BMPR1B: variants seen among roughly 807,000 people sequenced by gnomAD.
The protein encoded by BMPR1B is bone morphogenetic protein receptor type 1B, also known as bone morphogenetic protein receptor type-1B.
A neutral mutation model predicts 59.1 loss-of-function variants in BMPR1B; 12 were observed. The observed-to-expected ratio is 0.20, with a 90% CI of 0.13 to 0.33. The LOEUF (loss-of-function observed/expected upper bound fraction) is 0.33, where lower values mean the gene tolerates loss of function less well. Among genes scored for constraint, BMPR1B ranks in the 10% least tolerant of loss-of-function variants. BMPR1B has a pLI of 1.00. For missense variants in BMPR1B, 550 were observed against 610.9 expected (o/e 0.90, Z 1.05); for synonymous variants, 237 against 207.3 (o/e 1.14, Z -1.23).
At chr4:94,786,510 G>A (rs1456288889) in intron 1 of BMPR1B, among the ~76,000 whole-genome samples, 1 of 151,902 alleles carries the variant, frequency 6.6e-6, no homozygotes, top group African/African-American at 2.4e-5. Context: ...ATGGGCATGT[G>A]CCACCACACT....
chr4:95,021,153 A>AT (rs1723953237), intron 3 of BMPR1B, among the ~76,000 whole-genome samples: 1 of 152,182 alleles, frequency 6.6e-6, no homozygotes, highest in African/African-American at 2.4e-5. Context: ...CTAATTTTTA[A>AT]TTTTTTCCCT....
intron 2 of BMPR1B, among the ~76,000 whole-genome samples, chr4:94,927,524 C>T (rs1314762297): frequency 6.6e-6 from 1 of 151,988 alleles, no homozygotes; most frequent in Non-Finnish European, 1.5e-5. Context: ...ATTGAAGGAT[C>T]AAGTAGTCTT....
chr4:94,948,365 G>A (rs1290578804), intron 2 of BMPR1B, among the ~76,000 whole-genome samples: 1 of 152,164 alleles, frequency 6.6e-6, no homozygotes, highest in East Asian at 1.9e-4. Context: ...GGCCAGAGTA[G>A]TACCAGAGAG....
chr4:95,070,520 T>A (rs568121166), intron 3 of BMPR1B, among the ~76,000 whole-genome samples: 36 of 152,234 alleles, frequency 2.4e-4, no homozygotes, highest in African/African-American at 8.7e-4. Flanking sequence ...GTTTGTTGAG[T>A]TTGACATATA....
intron 2 of BMPR1B, among the ~76,000 whole-genome samples, chr4:94,919,108 C>G (rs570112653): frequency 1.3e-5 from 2 of 151,980 alleles, no homozygotes; most frequent in African/African-American, 2.4e-5. Flanking sequence ...CTTCTTGTTT[C>G]GAGGCCTCTG....
chr4:95,071,618 A>C (rs1728277275), intron 3 of BMPR1B, among the ~76,000 whole-genome samples: 1 of 135,818 alleles, frequency 7.4e-6, no homozygotes, highest in South Asian at 2.4e-4. Context: ...TAGATTATGA[A>C]TATATATGTG....
At chr4:94,791,155 A>T (rs1722972940) in intron 1 of BMPR1B, among the ~76,000 whole-genome samples, 1 of 151,764 alleles carries the variant, frequency 6.6e-6, no homozygotes, top group Non-Finnish European at 1.5e-5. Flanking sequence ...CGCCCACCTA[A>T]TTTTTGTATT....
At chr4:94,781,916 T>G (rs563065584) in intron 1 of BMPR1B, among the ~76,000 whole-genome samples, 6 of 152,270 alleles carry the variant, frequency 3.9e-5, no homozygotes, top group Non-Finnish European at 7.4e-5. Context: ...TTATATGCTC[T>G]CAAAATACTC....
At chr4:94,771,489 G>A (rs1722184379) in intron 1 of BMPR1B, among the ~76,000 whole-genome samples, 1 of 152,170 alleles carries the variant, frequency 6.6e-6, no homozygotes, top group Non-Finnish European at 1.5e-5. Context: ...GGAAGGTGCT[G>A]ATAGAGCACA....
At chr4:94,807,156 G>C (rs897612428) in intron 1 of BMPR1B, among the ~76,000 whole-genome samples, 1 of 152,102 alleles carries the variant, frequency 6.6e-6, no homozygotes, top group Non-Finnish European at 1.5e-5. Context: ...GTGCAGTGGT[G>C]TGATCTCTGC....
At chr4:95,036,431 T>C (rs1279052402) in intron 3 of BMPR1B, among the ~76,000 whole-genome samples, 3 of 152,164 alleles carry the variant, frequency 2.0e-5, no homozygotes, top group African/African-American at 7.2e-5. Context: ...ATCGTTTTAG[T>C]TTTTAGCTTT....
At chr4:95,042,293 C>G (rs1379514030) in intron 3 of BMPR1B, among the ~76,000 whole-genome samples, 2 of 152,128 alleles carry the variant, frequency 1.3e-5, no homozygotes, top group East Asian at 3.9e-4. Flanking sequence ...AAAATGATTG[C>G]TTATTGATAA....
chr4:94,862,439 C>T (rs766135204), intron 1 of BMPR1B, among the ~76,000 whole-genome samples: 1 of 151,682 alleles, frequency 6.6e-6, no homozygotes, highest in Non-Finnish European at 1.5e-5. Context: ...GCATGAGCCA[C>T]TGCACCCAGC....
intron 1 of BMPR1B, among the ~76,000 whole-genome samples, chr4:94,762,127 A>G (rs1721796909): frequency 1.3e-5 from 2 of 152,332 alleles, no homozygotes; most frequent in East Asian, 3.9e-4. Context: ...CATGATGTTC[A>G]GGACATCCAC....
intron 2 of BMPR1B, among the ~76,000 whole-genome samples, chr4:94,886,566 CT>C (rs1727177637): frequency 6.6e-6 from 1 of 152,186 alleles, no homozygotes; most frequent in African/African-American, 2.4e-5. Context: ...AAATGACCAC[CT>C]ACCTTCCAGA....
intron 11 of BMPR1B, among the ~76,000 whole-genome samples, chr4:95,150,326 A>G (rs989161444): frequency 1.3e-5 from 2 of 152,192 alleles, no homozygotes; most frequent in Admixed American, 1.3e-4. Flanking sequence ...TTCACGCATT[A>G]TAAAGAGTAG....
chr4:94,874,363 G>A (rs559805461), intron 1 of BMPR1B, among the ~76,000 whole-genome samples: 101 of 152,160 alleles, frequency 6.6e-4, no homozygotes, highest in Admixed American at 2.8e-3. Flanking sequence ...TTTTTAGAAT[G>A]GAAAGTGTTG....
intron 3 of BMPR1B, among the ~76,000 whole-genome samples, chr4:95,063,189 C>T (rs887735844): frequency 6.6e-6 from 1 of 152,092 alleles, no homozygotes; most frequent in African/African-American, 2.4e-5. Flanking sequence ...GTTACAATAG[C>T]TATTAATAAA....
At position 94,770,970 on chromosome 4, in the gene BMPR1B, T is replaced by G. The variant is rs184285613; in HGVS notation, c.-183+12902T>G. 1.6e-3 allele frequency among the ~76,000 whole-genome samples: 244 copies of G among 152,022 alleles called. 1 individual carries two copies. The highest frequency in any genetic ancestry group is 5.6e-3 in the African/African-American group (233 of 41,446). ...TAAATTCTTCCGTGACCTTATACTT[T>G]AGCATACACAGACCTTAGAAATTTG... On this transcript the variant is annotated intron_variant, in intron 1 of 12. Transcript: ENST00000515059.
Sources: gnomAD v4.1 joint callset for allele counts (sites outside exome capture counted in the v4.1 genomes callset) on GRCh38, gnomAD v4.1.1 for gene constraint, MANE v1.5 for transcripts, NCBI Gene and HGNC (gene_info 2026-07-23, HGNC 2026-07-21) for gene names.